The following GPHA2 variants were observed in gnomAD, a reference collection of about 807,000 sequenced individuals.
GPHA2 encodes glycoprotein hormone alpha-2.
In GPHA2, 12 loss-of-function variants were observed where a neutral mutation model predicts 15.3. That is an observed-to-expected ratio of 0.78 (90% CI 0.50 to 1.27). The LOEUF (loss-of-function observed/expected upper bound fraction) is 1.27. Among genes scored for constraint, GPHA2 ranks in the 50% most tolerant of loss-of-function variants. The pLI is 0.00. For missense variants in GPHA2, 156 were observed against 169.5 expected (o/e 0.92, Z 0.44); for synonymous variants, 61 against 66.8 (o/e 0.91, Z 0.42).
At chr11:64,935,306 T>A in intron 2 of GPHA2, 52 bp downstream of exon 2, 1 of 1,492,376 alleles carries the variant, frequency 6.7e-7, no homozygotes, top group Non-Finnish European at 9.1e-7. Flanking sequence ...AGCTCTTTGC[T>A]CCCACCCAGA....
At chr11:64,936,009 G>A (rs879044495), upstream of GPHA2, 2 of 152,254 alleles carry the variant, frequency 1.3e-5, no homozygotes, top group Non-Finnish European at 2.9e-5. Context: ...ATCCCACCTG[G>A]GGGATCTTGC....
In GPHA2 at chr11:64,934,576, C is replaced by G; in HGVS notation, c.*197G>C. 1 of 604,130 alleles carries G rather than the reference C, an allele frequency of 1.7e-6. No individual in the cohort carries two copies. Among genetic ancestry groups the G allele is most frequent in the Non-Finnish European group, 3.0e-6 (1 of 338,740 alleles). The allele number at this position is 604,130 out of a possible 1,614,324, so 37.4% of individuals were successfully genotyped here. ...CAGAGGCAGGGAAGAAGCAGAAACT[C>G]CCCTCTTCTCAGGTGACAGTCACAA... is the stretch of plus-strand genomic sequence containing the variant. On this transcript the variant is annotated 3_prime_UTR_variant, in exon 4 of 4. Coordinates refer to ENST00000279168, the MANE Select transcript of GPHA2 (RefSeq NM_130769.4).
chr11:64,935,209 T>C, intron 2 of GPHA2, 34 bp from the exon 3 acceptor site: 3 of 1,581,650 alleles, frequency 1.9e-6, no homozygotes, highest in Non-Finnish European at 2.6e-6. Flanking sequence ...AGACGGCGCC[T>C]CTGCCAAGGT....
At chr11:64,937,391 G>A (rs181199726), upstream of GPHA2, 19 of 152,298 alleles carry the variant, frequency 1.2e-4, no homozygotes, top group African/African-American at 4.6e-4. Flanking sequence ...GGCCATGTTT[G>A]GGACAGTCGA....
intron 3 of GPHA2, 37 bp downstream of exon 3, chr11:64,934,954 C>T (rs767770786): frequency 6.2e-7 from 1 of 1,613,306 alleles, no homozygotes; most frequent in South Asian, 1.1e-5. Context: ...CTTCCCGCGA[C>T]CCCAGCGTCC....
chr11:64,935,205 C>T (rs371437665), intron 2 of GPHA2, 30 bp from the exon 3 acceptor site: 29 of 1,585,174 alleles, frequency 1.8e-5, no homozygotes, highest in South Asian at 5.6e-5. Flanking sequence ...CAGTAGACGG[C>T]GCCTCTGCCA....
chr11:64,937,671 C>G (rs1290199545), upstream of GPHA2: 1 of 152,256 alleles, frequency 6.6e-6, no homozygotes, highest in Non-Finnish European at 1.5e-5. Flanking sequence ...ATGATGGCTT[C>G]TGTTTAAAGC....
chr11:64,934,746 AG>A lies in GPHA2; in HGVS notation c.*26del. ...ACCAGAACGTCAAGCCCTGTGACCC[AG>A]GGGAGGAAGGAGGGGAGAGGATGGG... On this transcript the variant is annotated 3_prime_UTR_variant, in exon 4 of 4. Coordinates refer to ENST00000279168, the MANE Select transcript of GPHA2 (RefSeq NM_130769.4). 2.5e-6 allele frequency: 4 copies of A among 1,579,570 alleles called. No individual in the cohort carries two copies. Among genetic ancestry groups the A allele is most frequent in the Non-Finnish European group, 3.5e-6 (4 of 1,148,368 alleles).
Position 64,934,779 on chromosome 11 carries a change from G to A in GPHA2, c.384C>T (p.Arg128=). 1.9e-6 allele frequency: 3 copies of A among 1,613,538 alleles called. 1 individual carries two copies. The highest frequency in any genetic ancestry group is 2.2e-5 in the South Asian group (2 of 91,058). Residue 128 remains arginine, a synonymous_variant, in exon 4 of 4, where the codon CGC becomes CGT. Coordinates refer to ENST00000279168, the MANE Select transcript of GPHA2 (RefSeq NM_130769.4). ...ACQCDMCRLS[R]Y ...AAGGAGGGGAGAGGATGGGCTAGTA[G>A]CGAGAGAGGCGACACATGTCACACT...
At chr11:64,935,284 C>T (rs968026894) in intron 2 of GPHA2, 74 bp downstream of exon 2, 1 of 1,385,562 alleles carries the variant, frequency 7.2e-7, no homozygotes, top group East Asian at 2.4e-5. Context: ...CTGCCTGCCC[C>T]ACCGTCCACT....
rs755378227 is a variant in GPHA2, at chr11:64,935,119, C to T, written c.160G>A (p.Ala54Thr). ...RQGTCQGSHVAQACVGHCESS... is the reference protein window; with the variant it reads ...RQGTCQGSHVTQACVGHCESS... ...TCACAGTGGCCCACACAGGCCTGTG[C>T]CACGTGGGAGCCCTGGCAGGTGCCT... The change falls in exon 3 of 4, where the codon GCA (alanine) becomes ACA (threonine). Residue 54 changes from alanine to threonine, a missense_variant. Ala to Thr is a moderately conservative substitution (Grantham distance 58, BLOSUM62 0). Transcript: ENST00000279168. 2 of 1,614,010 alleles carry T rather than the reference C, an allele frequency of 1.2e-6. No homozygotes were observed. The highest frequency in any genetic ancestry group is 1.7e-6 in the Non-Finnish European group (2 of 1,179,994).
At chr11:64,936,551 T>A (rs1945295626), upstream of GPHA2, among the ~76,000 whole-genome samples, 1 of 152,192 alleles carries the variant, frequency 6.6e-6, no homozygotes, top group Admixed American at 6.5e-5. Flanking sequence ...CCCAAAGTGC[T>A]AGAATTACAG....
At chr11:64,936,789 C>CAA (rs1254846550), upstream of GPHA2, among the ~76,000 whole-genome samples, 1 of 152,108 alleles carries the variant, frequency 6.6e-6, no homozygotes, top group Non-Finnish European at 1.5e-5. Flanking sequence ...GGATGATTCG[C>CAA]ATCCTGTGCT....
chr11:64,935,590 G>C, intron 1 of GPHA2, 130 bp from the exon 2 acceptor site: 1 of 618,120 alleles, frequency 1.6e-6, no homozygotes, highest in Non-Finnish European at 2.9e-6. Flanking sequence ...GAATGGTGCT[G>C]CCTTTTCCCT....
chr11:64,935,544 G>A, intron 1 of GPHA2, 84 bp from the exon 2 acceptor site: 1 of 893,416 alleles, frequency 1.1e-6, no homozygotes. Context: ...AGGTGAGTGA[G>A]CCAGGGCTGG....
Position 64,934,658 on chromosome 11 carries a change from A to T in GPHA2, c.*115T>A. On this transcript the variant is annotated 3_prime_UTR_variant, in exon 4 of 4. Transcript: ENST00000279168. The stretch of plus-strand genomic sequence containing the variant: ...CTCCCCTTATTTAAAAAAATTCCAT[A>T]GCAAGTAACCATCAGGGCTGGAGCT... 2 of 827,110 alleles carry T rather than the reference A, an allele frequency of 2.4e-6. No homozygotes were observed. Among genetic ancestry groups the T allele is most frequent in the Non-Finnish European group, 4.1e-6 (2 of 484,252 alleles). The allele number at this position is 827,110 out of a possible 1,614,324, so 51.2% of individuals were successfully genotyped here. A position where few individuals can be genotyped will look rare whatever the true frequency, so the allele number is the denominator to read the frequency against.
At position 64,935,430 on chromosome 11, in the gene GPHA2, G is replaced by A. The variant is rs1300178717; in HGVS notation, c.31C>T (p.Leu11Phe). 2.5e-6 allele frequency: 4 copies of A among 1,609,424 alleles called. No homozygotes were observed. Among genetic ancestry groups the A allele is most frequent in the African/African-American group, 1.3e-5 (1 of 74,642 alleles). Reference sequence around the variant, plus strand: ...GTGACTGCCAGGACCAGCAGATAGAGGACCAGGGTTTGAGGGGACGCCATA... The same window carrying A: ...GTGACTGCCAGGACCAGCAGATAGAAGACCAGGGTTTGAGGGGACGCCATA... MPMASPQTLV[L>F]YLLVLAVTEA... is the part of the protein sequence containing the mutation. The change falls in exon 2 of 4, where the codon CTC becomes TTC. Residue 11 changes from leucine to phenylalanine, a missense_variant. By Grantham distance (22) the Leu-to-Phe change is conservative. Transcript: ENST00000279168.
At chr11:64,937,228 C>G (rs1404854309), upstream of GPHA2, among the ~76,000 whole-genome samples, 1 of 152,154 alleles carries the variant, frequency 6.6e-6, no homozygotes, top group Non-Finnish European at 1.5e-5. Context: ...CACTTTATAA[C>G]TCACCAAATC....
At chr11:64,935,231 C>T (rs1945280489) in intron 2 of GPHA2, 56 bp from the exon 3 acceptor site, 2 of 1,550,316 alleles carry the variant, frequency 1.3e-6, no homozygotes, top group Non-Finnish European at 1.8e-6. Context: ...TGCCTCGCCC[C>T]AGCTCCCGTT....
Sources: gnomAD v4.1 joint callset for allele counts (sites outside exome capture counted in the v4.1 genomes callset) on GRCh38, gnomAD v4.1.1 for gene constraint, MANE v1.5 for transcripts, NCBI Gene and HGNC (gene_info 2026-07-23, HGNC 2026-07-21) for gene names.